G2E3: variants seen among roughly 807,000 people sequenced by gnomAD.
G2E3 encodes G2/M phase-specific E3 ubiquitin-protein ligase.
Under a neutral mutation model 92.8 loss-of-function variants are expected in G2E3, and 35 were observed. That is an observed-to-expected ratio of 0.38 (90% CI 0.29 to 0.50). The LOEUF (loss-of-function observed/expected upper bound fraction) is 0.50, where lower values mean the gene tolerates loss of function less well. Ranked by LOEUF, G2E3 falls within the 20% of genes least tolerant of loss-of-function variation. The pLI is 0.94. For synonymous variants in G2E3, 242 were observed against 272.4 expected (o/e 0.89, Z 1.10); for missense variants, 554 against 823.8 (o/e 0.67, Z 4.01).
chr14:30,583,733 A>G (rs1471967440), intron 2 of G2E3, among the ~76,000 whole-genome samples: 1 of 152,246 alleles, frequency 6.6e-6, no homozygotes, highest in Non-Finnish European at 1.5e-5. Flanking sequence ...CACAATATGT[A>G]CATATATCAA....
intron 3 of G2E3, among the ~76,000 whole-genome samples, chr14:30,588,449 A>G (rs988787477): frequency 6.6e-6 from 1 of 152,026 alleles, no homozygotes; most frequent in Non-Finnish European, 1.5e-5. Context: ...TTTGCTCTAC[A>G]TGGTGTTTTC....
chr14:30,612,113 G>C, intron 12 of G2E3, 94 bp from the exon 13 acceptor site: 2 of 864,496 alleles, frequency 2.3e-6, no homozygotes, highest in Non-Finnish European at 3.7e-6. Context: ...TATGTACTAA[G>C]AAATTTGAGT....
chr14:30,564,516 T>C (rs900095088), intron 1 of G2E3, among the ~76,000 whole-genome samples: 3 of 152,120 alleles, frequency 2.0e-5, no homozygotes, highest in Admixed American at 6.5e-5. Context: ...ATTTTTTTTA[T>C]AGAGACAGGA....
intron 4 of G2E3, among the ~76,000 whole-genome samples, chr14:30,591,530 C>T (rs778563014): frequency 5.3e-5 from 8 of 152,148 alleles, no homozygotes; most frequent in Non-Finnish European, 4.4e-5. Context: ...TCTAGAGGCA[C>T]TAAGGGAGAA....
At chr14:30,585,681 A>G (rs530690378) in intron 2 of G2E3, among the ~76,000 whole-genome samples, 15 of 144,826 alleles carry the variant, frequency 1.0e-4, no homozygotes, top group South Asian at 4.3e-4. Context: ...TTGTTTTTCC[A>G]TTCTCTATTT....
rs572011366 is a variant in G2E3 at position 30,590,080 on chromosome 14, T to G, written c.237+596T>G. On this transcript the variant is annotated intron_variant, in intron 4 of 14. Transcript: ENST00000206595. ...TGCATCTTCTATATAACAGCCACTATGCTGTATGCAGGGAAACGTCTCCAT... is the reference window on the plus strand; with the variant it reads ...TGCATCTTCTATATAACAGCCACTAGGCTGTATGCAGGGAAACGTCTCCAT... Among the ~76,000 whole-genome samples, 3 of 152,286 alleles carry G rather than the reference T, an allele frequency of 2.0e-5. No individual in the cohort carries two copies. In the South Asian group the frequency reaches 6.2e-4, roughly 32 times the overall value.
Position 30,618,151 on chromosome 14 carries a change from C to A in G2E3, c.*1617C>A, listed in dbSNP as rs1295142854. 1 of 151,986 alleles carries A rather than the reference C, an allele frequency of 6.6e-6. No homozygotes were observed. The highest frequency in any genetic ancestry group is 1.5e-5 in the Non-Finnish European group (1 of 67,910). 9.4% of individuals were successfully genotyped at this position (151,986 alleles called of 1,614,324 possible). Reference sequence around the variant, plus strand: ...TTTCTTTGTTCCCTCATGTCTTTTTCAATCTGTACACTAACATACCTAGCA... The same window carrying A: ...TTTCTTTGTTCCCTCATGTCTTTTTAAATCTGTACACTAACATACCTAGCA... On this transcript the variant is annotated 3_prime_UTR_variant, in exon 15 of 15. Coordinates refer to ENST00000206595, the MANE Select transcript of G2E3 (RefSeq NM_017769.5).
At chr14:30,607,480 T>C (rs181867023) in intron 11 of G2E3, among the ~76,000 whole-genome samples, 1 of 152,282 alleles carries the variant, frequency 6.6e-6, no homozygotes, top group East Asian at 1.9e-4. Context: ...TATATGTATA[T>C]CTAAATATAC....
intron 1 of G2E3, among the ~76,000 whole-genome samples, chr14:30,566,945 ACCTTTTCCTT>A (rs1879473114): frequency 6.6e-6 from 1 of 152,224 alleles, no homozygotes; most frequent in South Asian, 2.1e-4. Flanking sequence ...TGAGCATGTG[ACCTTTTCCTT>A]TTTCTCTATT....
In G2E3 at chr14:30,598,554, G is replaced by A. The variant is rs770322024; in HGVS notation, c.707G>A (p.Arg236Gln). 1.3e-5 allele frequency: 21 copies of A among 1,613,706 alleles called. No individual in the cohort carries two copies. Among genetic ancestry groups the A allele is most frequent in the South Asian group, 3.3e-5 (3 of 91,084 alleles). The change falls in exon 8 of 15, where the codon CGA becomes CAA. Residue 236 changes from arginine to glutamine, a missense_variant. Physicochemically the swap from Arg to Gln is conservative, Grantham distance 43. Coordinates refer to ENST00000206595, the MANE Select transcript of G2E3 (RefSeq NM_017769.5). ...CAGCACTATGAGCGTTGTGATGTTC[G>A]AAGATGTCGTTGCAAAGAAGGGCGA... The part of the protein sequence containing the change: ...LLQHYERCDV[R>Q]RCRCKEGRDY...
In G2E3 at chr14:30,602,244, T is replaced by C. The variant is rs527832496; in HGVS notation, c.1010+113T>C. The C allele has an allele frequency of 9.5e-5, 75 of 786,126 alleles. 1 individual carries two copies. The East Asian group carries it at 1.9e-3, about 20-fold the overall frequency. The allele number at this position is 786,126 out of a possible 1,614,324, so 48.7% of individuals were successfully genotyped here. ...GATCATACAGTAGTCTAGAAGAATG[T>C]TTTTCAGCCTTCAGGACCCAACATT... On this transcript the variant is annotated intron_variant, in intron 10 of 14. Transcript: ENST00000206595.
rs1287194438 is a variant in G2E3 at position 30,607,958 on chromosome 14, A to G, written c.1389A>G (p.Ser463=). The change falls in exon 12 of 15, where the codon TCA becomes TCG. Residue 463 remains serine (S), a synonymous_variant. Transcript: ENST00000206595. ...TTTCTTTAGTTCACGGTGGTCCTTC[A>G]CCTGGTTTCTTTTCTAAAACCTTGT... ...LAISLVHGGP[S]PGFFSKTLFN... is the part of the protein sequence containing the mutation. 1.2e-5 allele frequency: 20 copies of G among 1,607,160 alleles called. No individual in the cohort carries two copies.
intron 1 of G2E3, among the ~76,000 whole-genome samples, chr14:30,562,931 T>C (rs1879199596): frequency 6.6e-6 from 1 of 152,194 alleles, no homozygotes; most frequent in South Asian, 2.1e-4. Context: ...TTACCTATCA[T>C]TGGAGATGGC....
Position 30,581,999 on chromosome 14 carries a change from G to A in G2E3, c.37+883G>A, listed in dbSNP as rs565795020. On this transcript the variant is annotated intron_variant, in intron 2 of 14. Coordinates refer to ENST00000206595, the MANE Select transcript of G2E3 (RefSeq NM_017769.5). ...GATCATTACTTTTAAAGTATCTTTT[G>A]ACACCACATTATGTTGGATAAGGAA... Among the ~76,000 whole-genome samples, 5 of 152,116 alleles carry A rather than the reference G, an allele frequency of 3.3e-5. No homozygotes were observed. In the East Asian group the frequency reaches 9.7e-4, roughly 30 times the overall value.
intron 3 of G2E3, among the ~76,000 whole-genome samples, chr14:30,588,167 G>A (rs1880815184): frequency 6.6e-6 from 1 of 151,120 alleles, no homozygotes; most frequent in East Asian, 1.9e-4. Context: ...ATGTTTTGCA[G>A]TAAAAAGAAA....
intron 8 of G2E3, among the ~76,000 whole-genome samples, chr14:30,599,242 T>G (rs1215800211): frequency 6.6e-6 from 1 of 152,176 alleles, no homozygotes; most frequent in African/African-American, 2.4e-5. Context: ...TGTTTGTTTG[T>G]TTTGAGATGG....
At chr14:30,577,605 G>T (rs1009784654) in intron 1 of G2E3, among the ~76,000 whole-genome samples, 2 of 152,134 alleles carry the variant, frequency 1.3e-5, no homozygotes, top group African/African-American at 4.8e-5. Flanking sequence ...TTACCAACTG[G>T]GTGTCTCCAT....
intron 4 of G2E3, among the ~76,000 whole-genome samples, chr14:30,591,869 A>G (rs1594489766): frequency 1.3e-5 from 2 of 152,262 alleles, no homozygotes; most frequent in Middle Eastern, 3.4e-3. Flanking sequence ...TAGGTGTCTC[A>G]ACACTTTTTC....
At chr14:30,598,352 A>T (rs1656216394) in intron 7 of G2E3, 131 bp from the exon 8 acceptor site, 1 of 609,682 alleles carries the variant, frequency 1.6e-6, no homozygotes, top group East Asian at 3.0e-5. Flanking sequence ...GCACCACTGT[A>T]CTCCAGCCTG....
Sources: gnomAD v4.1 joint callset for allele counts (sites outside exome capture counted in the v4.1 genomes callset) on GRCh38, gnomAD v4.1.1 for gene constraint, MANE v1.5 for transcripts, NCBI Gene and HGNC (gene_info 2026-07-23, HGNC 2026-07-21) for gene names.